TECRL: variants seen among roughly 807,000 people sequenced by gnomAD.
TECRL encodes the protein trans-2,3-enoyl-CoA reductase like, also known as trans-2,3-enoyl-CoA reductase-like.
A neutral mutation model predicts 52.8 loss-of-function variants in TECRL; 63 were observed. That is an observed-to-expected ratio of 1.19 (90% CI 0.97 to 1.47). The LOEUF is 1.47. TECRL is among the 40% of genes most tolerant of loss of function. The pLI, the probability that TECRL is intolerant of heterozygous loss-of-function variation, is 0.00. For synonymous variants in TECRL, 164 were observed against 141.9 expected, an observed-to-expected ratio of 1.16 and a Z score of -1.10; for missense variants, 482 against 429.6, an observed-to-expected ratio of 1.12 and a Z score of -1.08.
intron 8 of TECRL, among the ~76,000 whole-genome samples, chr4:64,292,421 T>A (rs894737995): frequency 6.6e-6 from 1 of 151,968 alleles, no homozygotes; most frequent in Non-Finnish European, 1.5e-5. Flanking sequence ...GACACAGATG[T>A]TCAAGATATT....
intron 8 of TECRL, among the ~76,000 whole-genome samples, chr4:64,290,601 G>T (rs1203713690): frequency 2.6e-5 from 4 of 151,756 alleles, no homozygotes; most frequent in African/African-American, 9.7e-5. Context: ...AAAATATATC[G>T]GATTTTGTTC....
intron 9 of TECRL, among the ~76,000 whole-genome samples, chr4:64,283,734 C>G (rs1722944266): frequency 6.6e-6 from 1 of 152,004 alleles, no homozygotes; most frequent in Admixed American, 6.6e-5. Context: ...ATGTACAACT[C>G]CAATCCAATG....
At chr4:64,349,276 G>T (rs139263911) in intron 2 of TECRL, among the ~76,000 whole-genome samples, 2 of 151,684 alleles carry the variant, frequency 1.3e-5, no homozygotes, top group African/African-American at 2.4e-5. Flanking sequence ...GGCATTACAG[G>T]CACGCACCCC....
At chr4:64,400,529 G>T (rs2109778456) in intron 1 of TECRL, among the ~76,000 whole-genome samples, 1 of 152,184 alleles carries the variant, frequency 6.6e-6, no homozygotes, top group African/African-American at 2.4e-5. Flanking sequence ...AATATAGTTT[G>T]GGAATTTGTC....
intron 3 of TECRL, among the ~76,000 whole-genome samples, chr4:64,325,205 T>A (rs994971560): frequency 3.2e-4 from 48 of 152,310 alleles, no homozygotes; most frequent in African/African-American, 1.1e-3. Context: ...TCCATGCAAC[T>A]GCAAAGACCA....
At chr4:64,363,831 G>A (rs1721396715) in intron 2 of TECRL, among the ~76,000 whole-genome samples, 1 of 152,224 alleles carries the variant, frequency 6.6e-6, no homozygotes, top group African/African-American at 2.4e-5. Flanking sequence ...AATAAATTTT[G>A]CTTCTAAGAG....
At chr4:64,291,575 G>A (rs968666942) in intron 8 of TECRL, among the ~76,000 whole-genome samples, 3 of 151,830 alleles carry the variant, frequency 2.0e-5, no homozygotes, top group Non-Finnish European at 4.4e-5. Flanking sequence ...AAACGTATTT[G>A]TTTTGAGATT....
chr4:64,295,329 G>A (rs1723618602), intron 8 of TECRL, among the ~76,000 whole-genome samples: 1 of 148,566 alleles, frequency 6.7e-6, no homozygotes, highest in African/African-American at 2.5e-5. Context: ...CTTATTTTTT[G>A]CATGAAACAA....
At chr4:64,319,930 T>G (rs1172009293) in intron 4 of TECRL, among the ~76,000 whole-genome samples, 1 of 151,908 alleles carries the variant, frequency 6.6e-6, no homozygotes, top group Non-Finnish European at 1.5e-5. Flanking sequence ...CAGTGGTTAC[T>G]CCAGGATAGG....
At chr4:64,312,330 A>G (rs1405734231) in intron 5 of TECRL, among the ~76,000 whole-genome samples, 1 of 152,198 alleles carries the variant, frequency 6.6e-6, no homozygotes, top group Non-Finnish European at 1.5e-5. Flanking sequence ...ACCTAAAACT[A>G]GATACCTAAA....
chr4:64,278,782 C>T lies in TECRL; in HGVS notation c.*1290G>A, dbSNP rs900666967. The T allele has an allele frequency of 6.6e-6, 1 of 152,238 alleles. No individual in the cohort carries two copies. Among genetic ancestry groups the T allele is most frequent in the East Asian group, 1.9e-4 (1 of 5,184 alleles). 9.4% of individuals were successfully genotyped at this position (152,238 alleles called of 1,614,324 possible). A position where few individuals can be genotyped will look rare whatever the true frequency, so the allele number is the denominator to read the frequency against. On this transcript the variant is annotated 3_prime_UTR_variant, in exon 12 of 12. Transcript: ENST00000381210. ...CTCCCTTTGCTGCAGCTTTCCCAGC[C>T]TGTAGTATCCTCTGTTTTATTTTTT...
chr4:64,312,532 CAGG>C (rs1717107973), intron 5 of TECRL, among the ~76,000 whole-genome samples: 1 of 152,092 alleles, frequency 6.6e-6, no homozygotes, highest in Non-Finnish European at 1.5e-5. Context: ...GAGACTGAGG[CAGG>C]AGGATCCCTT....
At chr4:64,372,251 A>G (rs532904371) in intron 2 of TECRL, among the ~76,000 whole-genome samples, 80 of 151,944 alleles carry the variant, frequency 5.3e-4, no homozygotes, top group African/African-American at 1.9e-3. Context: ...AGAAAGACCA[A>G]CTGAGGATTT....
downstream of TECRL, chr4:64,277,088 A>G: frequency 2.1e-6 from 3 of 1,421,202 alleles, no homozygotes; most frequent in Non-Finnish European, 2.9e-6. Context: ...TAAAAAACAC[A>G]TTTCATAATT....
At chr4:64,277,631 A>G (rs930294656), downstream of TECRL, 7 of 151,834 alleles carry the variant, frequency 4.6e-5, no homozygotes, top group Admixed American at 1.3e-4. Flanking sequence ...ATATTGTCAC[A>G]TATATATAGT....
chr4:64,403,645 A>T (rs1438244146), intron 1 of TECRL, among the ~76,000 whole-genome samples: 2 of 152,016 alleles, frequency 1.3e-5, no homozygotes, highest in Admixed American at 6.6e-5. Context: ...GAGATACCAG[A>T]CCATGCCTAA....
At chr4:64,301,498 GA>G (rs1047599290) in intron 7 of TECRL, among the ~76,000 whole-genome samples, 15 of 151,162 alleles carry the variant, frequency 9.9e-5, no homozygotes, top group Non-Finnish European at 2.2e-4. Flanking sequence ...GCGCTTGTGA[GA>G]AAGTACACAC....
At chr4:64,330,115 C>T (rs1377101879) in intron 2 of TECRL, among the ~76,000 whole-genome samples, 2 of 151,890 alleles carry the variant, frequency 1.3e-5, no homozygotes, top group Non-Finnish European at 2.9e-5. Context: ...TGTTTATATG[C>T]TACCTAAAAT....
chr4:64,371,374 TA>T (rs1721964686), intron 2 of TECRL, among the ~76,000 whole-genome samples: 1 of 150,894 alleles, frequency 6.6e-6, no homozygotes, highest in Non-Finnish European at 1.5e-5. Flanking sequence ...ACCAAATAAT[TA>T]TAATAAACAA....
Sources: allele counts gnomAD v4.1 joint callset (sites outside exome capture counted in the v4.1 genomes callset), GRCh38; gene constraint gnomAD v4.1.1; transcripts MANE v1.5; gene names NCBI Gene and HGNC (gene_info 2026-07-23, HGNC 2026-07-21).